Variants in FMN1 observed in about 807,000 individuals in gnomAD.
FMN1 encodes the protein formin-1.
Under a neutral mutation model 132.4 loss-of-function variants are expected in FMN1, and 110 were observed. That is an observed-to-expected ratio of 0.83 (90% CI 0.71 to 0.97). The LOEUF is 0.97. Among genes scored for constraint, FMN1 ranks in the 50% least tolerant of loss-of-function variants. FMN1 has a pLI of 0.00. For missense variants in FMN1, 1,792 were observed against 1,705.3 expected (o/e 1.05, Z -0.90); for synonymous variants, 722 against 651.7 (o/e 1.11, Z -1.64).
intron 9 of FMN1, among the ~76,000 whole-genome samples, chr15:32,940,570 C>T (rs114410611): frequency 0.019 from 2,933 of 152,162 alleles, 85 homozygotes; most frequent in African/African-American, 0.063. Flanking sequence ...AATGCCAAGA[C>T]TCTTATTTAA....
chr15:32,904,544 G>A (rs948691676), intron 12 of FMN1, among the ~76,000 whole-genome samples: 1 of 152,142 alleles, frequency 6.6e-6, no homozygotes, highest in Non-Finnish European at 1.5e-5. Flanking sequence ...AAAGGTAAGA[G>A]GGGCTTGCAG....
intron 5 of FMN1, among the ~76,000 whole-genome samples, chr15:33,083,922 T>C (rs550050232): frequency 1.7e-4 from 26 of 152,256 alleles, no homozygotes; most frequent in African/African-American, 6.0e-4. Context: ...ATGCTAATTA[T>C]AACGCATCAG....
intron 18 of FMN1, among the ~76,000 whole-genome samples, chr15:32,802,942 G>A (rs932211809): frequency 3.9e-5 from 6 of 152,180 alleles, no homozygotes; most frequent in African/African-American, 4.8e-5. Flanking sequence ...TGATAAGCAC[G>A]ATTTGAGAAT....
At chr15:32,827,426 T>A (rs2058393743) in intron 17 of FMN1, among the ~76,000 whole-genome samples, 1 of 152,252 alleles carries the variant, frequency 6.6e-6, no homozygotes, top group Admixed American at 6.5e-5. Context: ...CAAGGAATCT[T>A]GTCGTTCTAG....
rs534451281 is a variant in FMN1, at chr15:33,086,389, C to A, written c.2043+2410G>T. On this transcript the variant is annotated intron_variant, in intron 5 of 20. Transcript: ENST00000616417. ...ACAAAAAAAAATTTATCAAATTGTACAGTCGTCTCAGCTGCTAAGATTATG... is the reference window on the plus strand; with the variant it reads ...ACAAAAAAAAATTTATCAAATTGTAAAGTCGTCTCAGCTGCTAAGATTATG... Among the ~76,000 whole-genome samples, 240 of 140,972 alleles carry A rather than the reference C, an allele frequency of 1.7e-3. 1 individual carries two copies. The highest frequency in any genetic ancestry group is 2.0e-3 in the Non-Finnish European group (131 of 65,254). The allele number at this position is 140,972 out of a possible 152,430, so 92.5% of individuals were successfully genotyped here.
chr15:33,110,713 C>T (rs1380230005), intron 4 of FMN1, among the ~76,000 whole-genome samples: 1 of 151,172 alleles, frequency 6.6e-6, no homozygotes, highest in African/African-American at 2.4e-5. Context: ...ATTTTGATGA[C>T]TAACAGTCTT....
Position 32,774,296 on chromosome 15 carries a change from C to G in FMN1, c.*14G>C. 6.3e-7 allele frequency: 1 copy of G among 1,598,276 alleles called. No homozygotes were observed. The highest frequency in any genetic ancestry group is 8.5e-7 in the Non-Finnish European group (1 of 1,169,994). ...CCTCCACCTCCAGTGCCATCATTTC[C>G]ATGTGTCTTCATCTTAGTTAGTGGT... On this transcript the variant is annotated 3_prime_UTR_variant, in exon 21 of 21. Coordinates refer to ENST00000616417, the MANE Select transcript of FMN1 (RefSeq NM_001277313.2).
intron 5 of FMN1, among the ~76,000 whole-genome samples, chr15:33,081,143 T>C (rs2038439025): frequency 6.6e-6 from 1 of 152,142 alleles, no homozygotes; most frequent in Admixed American, 6.5e-5. Flanking sequence ...GCTTGGAAAC[T>C]TGAAGTGGTT....
chr15:33,118,881 T>C (rs1410361653), intron 4 of FMN1, among the ~76,000 whole-genome samples: 2 of 149,818 alleles, frequency 1.3e-5, no homozygotes, highest in East Asian at 3.9e-4. Flanking sequence ...GAAAATAATG[T>C]CTATAAAAAA....
chr15:32,914,496 TAAAAC>T (rs1388257190), intron 10 of FMN1, among the ~76,000 whole-genome samples: 1 of 152,170 alleles, frequency 6.6e-6, no homozygotes, highest in Non-Finnish European at 1.5e-5. Context: ...TAGTTTGGGG[TAAAAC>T]CTTGTAGAAT....
intron 10 of FMN1, among the ~76,000 whole-genome samples, chr15:32,912,078 A>T (rs781736968): frequency 1.3e-5 from 2 of 152,212 alleles, no homozygotes; most frequent in African/African-American, 4.8e-5. Flanking sequence ...AATTCTAAAC[A>T]ATAATCTACC....
chr15:33,027,290 G>T (rs1402174683), intron 6 of FMN1, among the ~76,000 whole-genome samples: 1 of 151,790 alleles, frequency 6.6e-6, no homozygotes, highest in Non-Finnish European at 1.5e-5. Context: ...AAAAGTACAG[G>T]GTGCTCAGTT....
At chr15:33,026,177 T>G (rs1458258657) in intron 6 of FMN1, among the ~76,000 whole-genome samples, 1 of 147,286 alleles carries the variant, frequency 6.8e-6, no homozygotes, top group Non-Finnish European at 1.5e-5. Flanking sequence ...TGCATGGTGG[T>G]AGCCACACAT....
At chr15:32,923,796 T>C (rs1260297869) in intron 10 of FMN1, among the ~76,000 whole-genome samples, 1 of 152,212 alleles carries the variant, frequency 6.6e-6, no homozygotes, top group African/African-American at 2.4e-5. Flanking sequence ...ATGACTTCTA[T>C]CCATGGGGAA....
intron 5 of FMN1, chr15:33,067,541 G>A: frequency 6.2e-7 from 1 of 1,613,972 alleles, no homozygotes; most frequent in Non-Finnish European, 8.5e-7. Flanking sequence ...AGCAAGGAGA[G>A]ATGTCCCTGC....
At chr15:33,067,391 C>A (rs768145177) in intron 5 of FMN1, 20 of 1,613,864 alleles carry the variant, frequency 1.2e-5, no homozygotes, top group Non-Finnish European at 1.6e-5. Flanking sequence ...GGACTTTGGG[C>A]CATTGGTGCT....
At chr15:33,144,900 T>C (rs1159685382) in intron 4 of FMN1, among the ~76,000 whole-genome samples, 1 of 152,192 alleles carries the variant, frequency 6.6e-6, no homozygotes, top group Admixed American at 6.6e-5. Flanking sequence ...TGATGTGTAA[T>C]TATAATAAAG....
chr15:33,192,511 G>T (rs890982136), intron 2 of FMN1, among the ~76,000 whole-genome samples: 7 of 152,244 alleles, frequency 4.6e-5, no homozygotes, highest in Admixed American at 3.9e-4. Context: ...CTAGAATAGG[G>T]CCAGAGGCCT....
At chr15:33,028,679 GA>G (rs2035795289) in intron 6 of FMN1, among the ~76,000 whole-genome samples, 1 of 152,164 alleles carries the variant, frequency 6.6e-6, no homozygotes, top group Non-Finnish European at 1.5e-5. Flanking sequence ...TCATTTCATA[GA>G]AATGTTCGGT....
Sources: allele counts gnomAD v4.1 joint callset (sites outside exome capture counted in the v4.1 genomes callset), GRCh38; gene constraint gnomAD v4.1.1; transcripts MANE v1.5; gene names NCBI Gene and HGNC (gene_info 2026-07-23, HGNC 2026-07-21).